The following FIG4 variants were observed in gnomAD, a reference collection of about 807,000 sequenced individuals.
FIG4 encodes FIG4 phosphoinositide 5-phosphatase, also known as polyphosphoinositide phosphatase.
Under a neutral mutation model 118.6 loss-of-function variants are expected in FIG4, and 112 were observed. The ratio of observed to expected loss-of-function variants is 0.94; its 90% CI spans 0.81 to 1.11. FIG4 has a LOEUF of 1.11. Ranked by LOEUF, FIG4 falls within the 50% of genes least tolerant of loss-of-function variation. The pLI is 0.00. For synonymous variants in FIG4, 369 were observed against 381.2 expected (o/e 0.97, Z 0.37); for missense variants, 969 against 1,111.7 (o/e 0.87, Z 1.83).
rs188363711 is a variant in FIG4 at position 109,807,560 on chromosome 6, C to G, written c.2546+10709C>G. Among the ~76,000 whole-genome samples, 98 of 152,198 alleles carry G rather than the reference C, an allele frequency of 6.4e-4. 1 individual carries two copies. The East Asian group carries it at 0.017, about 26-fold the overall frequency. ...ACTTTTCTCCCATTCTGTAGGTTGC[C>G]TGTTCACTCTGATGATAGTTTCTTT... On this transcript the variant is annotated intron_variant, in intron 22 of 22. Transcript: ENST00000230124.
intron 15 of FIG4, among the ~76,000 whole-genome samples, chr6:109,776,604 A>C (rs1397160411): frequency 2.6e-5 from 4 of 152,224 alleles, no homozygotes; most frequent in African/African-American, 7.2e-5. Flanking sequence ...CATTTTAAAA[A>C]TAAAATTGCT....
intron 10 of FIG4, among the ~76,000 whole-genome samples, chr6:109,750,157 T>C (rs1307868368): frequency 1.3e-5 from 2 of 152,222 alleles, no homozygotes; most frequent in African/African-American, 2.4e-5. Context: ...TACCCTGTGT[T>C]GCGAACTTCT....
chr6:109,738,366 T>C lies in FIG4; in HGVS notation c.688T>C (p.Trp230Arg). ...TAGTGAGCCTTATATGAAATATGTA[T>C]GGAATGGTGAACTTCTGGATATAAT... ...ICSEPYMKYV[W>R]NGELLDIIKS... is the part of the protein sequence containing the mutation. The change falls in exon 7 of 23, where the codon TGG (tryptophan) becomes CGG (arginine). Residue 230 changes from tryptophan to arginine, a missense_variant. By Grantham distance (101) the Trp-to-Arg change is moderately radical. Transcript: ENST00000230124. 1.2e-6 allele frequency: 2 copies of C among 1,610,142 alleles called. No homozygotes were observed. The highest frequency in any genetic ancestry group is 2.2e-5 in the East Asian group (1 of 44,818).
At chr6:109,746,647 A>T (rs1562658741) in intron 10 of FIG4, among the ~76,000 whole-genome samples, 1 of 152,166 alleles carries the variant, frequency 6.6e-6, no homozygotes, top group Non-Finnish European at 1.5e-5. Context: ...TGTAGGCTGC[A>T]TTAATGAGCC....
chr6:109,772,266 A>G lies in FIG4; in HGVS notation c.1751-4656A>G, dbSNP rs188394418. 2.6e-5 allele frequency among the ~76,000 whole-genome samples: 4 copies of G among 152,232 alleles called. No individual in the cohort carries two copies. The East Asian group carries it at 5.8e-4, about 22-fold the overall frequency. ...CAATAGGAGAGAGTCTCAGTCTCCT[A>G]TTGACTTCCCCTGCTGTGTTTCTAA... On this transcript the variant is annotated intron_variant, in intron 15 of 22. Transcript: ENST00000230124.
intron 1 of FIG4, among the ~76,000 whole-genome samples, chr6:109,706,070 G>A (rs1412462031): frequency 6.6e-6 from 1 of 152,174 alleles, no homozygotes; most frequent in Non-Finnish European, 1.5e-5. Flanking sequence ...AATGCCTGAG[G>A]CACCATATTG....
chr6:109,718,949 T>C (rs2128382075), intron 3 of FIG4, among the ~76,000 whole-genome samples: 1 of 151,544 alleles, frequency 6.6e-6, no homozygotes, highest in African/African-American at 2.4e-5. Flanking sequence ...GACAGAGCCT[T>C]GCTGTGTCAC....
At chr6:109,693,185 A>G (rs1043238027) in intron 1 of FIG4, among the ~76,000 whole-genome samples, 1 of 152,190 alleles carries the variant, frequency 6.6e-6, no homozygotes, top group Non-Finnish European at 1.5e-5. Context: ...CAACTTGTCT[A>G]TCTAGTTTTA....
intron 13 of FIG4, 100 bp downstream of exon 13, chr6:109,764,082 T>C: frequency 5.2e-6 from 4 of 762,642 alleles, no homozygotes; most frequent in South Asian, 4.6e-5. Context: ...TCTTATTTAA[T>C]GCAGAATTAT....
chr6:109,746,339 T>G (rs1443297999), intron 10 of FIG4, among the ~76,000 whole-genome samples: 1 of 152,124 alleles, frequency 6.6e-6, no homozygotes, highest in East Asian at 1.9e-4. Flanking sequence ...GGTGAGGTAA[T>G]GCAGAGGCAA....
At chr6:109,773,390 C>G (rs1308526690) in intron 15 of FIG4, among the ~76,000 whole-genome samples, 1 of 152,176 alleles carries the variant, frequency 6.6e-6, no homozygotes, top group Admixed American at 6.5e-5. Context: ...AACAAAATCA[C>G]AAACTTACCA....
intron 1 of FIG4, among the ~76,000 whole-genome samples, chr6:109,702,765 T>C (rs1163997829): frequency 6.6e-6 from 1 of 152,230 alleles, no homozygotes; most frequent in East Asian, 1.9e-4. Flanking sequence ...ATGACTTTTC[T>C]GTCTTCTTTC....
intron 4 of FIG4, among the ~76,000 whole-genome samples, chr6:109,731,603 CTAAAGAA>C (rs1299572061): frequency 6.6e-6 from 1 of 151,954 alleles, no homozygotes; most frequent in East Asian, 1.9e-4. Flanking sequence ...TCATTATTCC[CTAAAGAA>C]TAGAGTATAA....
chr6:109,786,375 C>T lies in FIG4; in HGVS notation c.2022C>T (p.His674=). 6.2e-7 allele frequency: 1 copy of T among 1,613,810 alleles called. No homozygotes were observed. The highest frequency in any genetic ancestry group is 8.5e-7 in the Non-Finnish European group (1 of 1,179,704). The change falls in exon 18 of 23, where the codon CAC becomes CAT. Residue 674 remains histidine (H), a synonymous_variant. Coordinates refer to ENST00000230124, the MANE Select transcript of FIG4 (RefSeq NM_014845.6). ...AATATGAAGAAGAGATTGATATCCACAATGAGTTCTTTCGGCCATATGAGT... is the reference window on the plus strand; with the variant it reads ...AATATGAAGAAGAGATTGATATCCATAATGAGTTCTTTCGGCCATATGAGT... The part of the protein sequence containing the change: ...FHKYEEEIDI[H]NEFFRPYELS...
In FIG4 at chr6:109,822,310, A is replaced by G. The variant is rs113728676; in HGVS notation, c.2547-2778A>G. The stretch of plus-strand genomic sequence containing the variant: ...TGTTTACCTGGGTGATGTTCACTTT[A>G]TAATAATTATGTGTTTGTTTTGTGT... On this transcript the variant is annotated intron_variant, in intron 22 of 22. Transcript: ENST00000230124. Among the ~76,000 whole-genome samples the G allele has an allele frequency of 3.0e-3, 464 of 152,248 alleles. 2 individuals carry two copies. The highest frequency in any genetic ancestry group is 5.6e-3 in the Non-Finnish European group (381 of 67,994).
rs776714042 is a variant in FIG4 at position 109,796,787 on chromosome 6, C to T, written c.2482C>T (p.Gln828Ter). 6.2e-7 allele frequency: 1 copy of T among 1,611,286 alleles called. No individual in the cohort carries two copies. Among genetic ancestry groups the T allele is most frequent in the South Asian group, 1.1e-5 (1 of 91,012 alleles). ...TAGATTTGTTCAGCTGGGGCAGAGT[C>T]AACATAAACAAGACAAGAATAGCCA... is the stretch of plus-strand genomic sequence containing the variant. ...YSRFVQLGQS[Q>*]HKQDKNSQQP... The change falls in exon 22 of 23, where the codon CAA (glutamine) becomes TAA (stop). Residue 828 changes from glutamine (Q) to a stop codon, truncating the protein, a stop_gained. Coordinates refer to ENST00000230124, the MANE Select transcript of FIG4 (RefSeq NM_014845.6). LOFTEE classifies it high-confidence loss of function.
chr6:109,785,040 T>A lies in FIG4; in HGVS notation c.1948+12T>A. The stretch of plus-strand genomic sequence containing the variant: ...GCCCTATGATGAAGGTAGGTAACTG[T>A]TTGTGTTTTAGTTTTTACACTAACA... On this transcript the variant is annotated intron_variant, in intron 17 of 22. Coordinates refer to ENST00000230124, the MANE Select transcript of FIG4 (RefSeq NM_014845.6). 1 of 1,502,942 alleles carries A rather than the reference T, an allele frequency of 6.7e-7. No homozygotes were observed. Among genetic ancestry groups the A allele is most frequent in the Non-Finnish European group, 9.3e-7 (1 of 1,077,014 alleles). The allele number at this position is 1,502,942 out of a possible 1,614,324, so 93.1% of individuals were successfully genotyped here.
chr6:109,761,716 G>T (rs1777112408), intron 11 of FIG4, among the ~76,000 whole-genome samples: 1 of 152,120 alleles, frequency 6.6e-6, no homozygotes, highest in Non-Finnish European at 1.5e-5. Flanking sequence ...AGTTTTTTCT[G>T]CTCTGCCACC....
At chr6:109,775,375 G>C (rs948681035) in intron 15 of FIG4, among the ~76,000 whole-genome samples, 1 of 152,132 alleles carries the variant, frequency 6.6e-6, no homozygotes. Context: ...TCCTTTGAAA[G>C]AATATTCTTT....
Sources: allele counts gnomAD v4.1 joint callset (sites outside exome capture counted in the v4.1 genomes callset), GRCh38; gene constraint gnomAD v4.1.1; transcripts MANE v1.5; gene names NCBI Gene and HGNC (gene_info 2026-07-23, HGNC 2026-07-21).